Variants in RIMS1 observed in about 807,000 individuals in gnomAD.
The protein encoded by RIMS1 is regulating synaptic membrane exocytosis protein 1.
In RIMS1, 83 loss-of-function variants were observed where a neutral mutation model predicts 214.1. That is an observed-to-expected ratio of 0.39 (90% confidence interval 0.32 to 0.47). RIMS1 has a LOEUF of 0.47. RIMS1 is among the 20% of genes least tolerant of loss of function. The pLI, the probability that RIMS1 is intolerant of heterozygous loss-of-function variation, is 0.99. For synonymous variants in RIMS1, 793 were observed against 786.8 expected, an observed-to-expected ratio of 1.01 and a Z score of -0.13; for missense variants, 2,050 against 2,161.8, an observed-to-expected ratio of 0.95 and a Z score of 1.03.
chr6:72,205,612 AC>A (rs1420811300), intron 6 of RIMS1, among the ~76,000 whole-genome samples: 2 of 152,186 alleles, frequency 1.3e-5, no homozygotes, highest in African/African-American at 2.4e-5. Flanking sequence ...CTTTTCTGTA[AC>A]CCAAATAATG....
At chr6:72,236,629 C>T (rs9446605) in intron 8 of RIMS1, among the ~76,000 whole-genome samples, 2 of 152,064 alleles carry the variant, frequency 1.3e-5, no homozygotes, top group African/African-American at 4.8e-5. Context: ...CACCTGTCTT[C>T]TATGTATATG....
At chr6:71,952,972 G>A (rs968936577) in intron 1 of RIMS1, among the ~76,000 whole-genome samples, 22 of 150,698 alleles carry the variant, frequency 1.5e-4, no homozygotes, top group Non-Finnish European at 2.4e-4. Flanking sequence ...ATGCAGAAGC[G>A]CATCTTTTTT....
intron 2 of RIMS1, among the ~76,000 whole-genome samples, chr6:72,050,872 C>T (rs919463273): frequency 6.6e-6 from 1 of 152,282 alleles, no homozygotes; most frequent in South Asian, 2.1e-4. Context: ...TTCTATCTTT[C>T]CTTGCCAAAT....
At chr6:72,072,026 T>A (rs1344654151) in intron 2 of RIMS1, among the ~76,000 whole-genome samples, 1 of 152,178 alleles carries the variant, frequency 6.6e-6, no homozygotes, top group African/African-American at 2.4e-5. Context: ...ATATAAAAAA[T>A]ATACTAATTA....
At chr6:72,277,335 A>C (rs1184463233) in intron 23 of RIMS1, among the ~76,000 whole-genome samples, 1 of 152,160 alleles carries the variant, frequency 6.6e-6, no homozygotes, top group East Asian at 1.9e-4. Context: ...TAATCCCAGC[A>C]CTTTGGGAGG....
Position 72,349,041 on chromosome 6 carries a change from G to A in RIMS1, c.4366+15206G>A, listed in dbSNP as rs191468472. ...TGTGAACAAAGGATCTACTGTAACT[G>A]CTTTTCAAGTAAGCTAGTGAATTCT... On this transcript the variant is annotated intron_variant, in intron 29 of 33. Coordinates refer to ENST00000521978, the MANE Select transcript of RIMS1 (RefSeq NM_014989.7). 8.6e-5 allele frequency among the ~76,000 whole-genome samples: 13 copies of A among 151,966 alleles called. No homozygotes were observed. The East Asian group carries it at 2.5e-3, about 29-fold the overall frequency.
At chr6:71,929,843 C>T (rs1261002993) in intron 1 of RIMS1, among the ~76,000 whole-genome samples, 4 of 151,594 alleles carry the variant, frequency 2.6e-5, no homozygotes, top group African/African-American at 9.7e-5. Context: ...TAATGTGCTC[C>T]AGGACTCTGT....
chr6:71,900,501 A>G (rs1334052950), intron 1 of RIMS1, among the ~76,000 whole-genome samples: 1 of 152,136 alleles, frequency 6.6e-6, no homozygotes, highest in East Asian at 1.9e-4. Context: ...TGGGGCATGT[A>G]TGTGTAGAGA....
At chr6:72,240,499 T>C (rs1467332835) in intron 9 of RIMS1, among the ~76,000 whole-genome samples, 1 of 151,654 alleles carries the variant, frequency 6.6e-6, no homozygotes, top group Admixed American at 6.6e-5. Context: ...TGAATATATA[T>C]ACACACGCAC....
Position 72,125,697 on chromosome 6 carries a change from A to T in RIMS1, c.471+25711A>T, listed in dbSNP as rs187468083. 1.4e-3 allele frequency among the ~76,000 whole-genome samples: 210 copies of T among 152,260 alleles called. 2 individuals are homozygous for T. Among genetic ancestry groups the T allele is most frequent in the Middle Eastern group, 0.01 (3 of 294 alleles). Reference sequence around the variant, plus strand: ...ACTACTCAAGCCTCAGCAATGGTGGATGCCCCTCCCCCAGCCCAGGCTGCC... The same window carrying T: ...ACTACTCAAGCCTCAGCAATGGTGGTTGCCCCTCCCCCAGCCCAGGCTGCC... On this transcript the variant is annotated intron_variant, in intron 4 of 33. Coordinates refer to ENST00000521978, the MANE Select transcript of RIMS1 (RefSeq NM_014989.7).
intron 1 of RIMS1, among the ~76,000 whole-genome samples, chr6:71,899,539 A>G (rs1015821456): frequency 4.6e-5 from 7 of 152,102 alleles, no homozygotes; most frequent in Non-Finnish European, 8.8e-5. Flanking sequence ...CTGTGCCTCC[A>G]TACATGTAAT....
intron 9 of RIMS1, among the ~76,000 whole-genome samples, chr6:72,239,807 A>G (rs1016135585): frequency 9.2e-5 from 14 of 152,126 alleles, no homozygotes; most frequent in Admixed American, 3.3e-4. Context: ...TAACACTTTC[A>G]GCTGTCCAGG....
chr6:72,358,240 A>T (rs1007613884), intron 29 of RIMS1, among the ~76,000 whole-genome samples: 1 of 152,214 alleles, frequency 6.6e-6, no homozygotes, highest in Non-Finnish European at 1.5e-5. Context: ...ATAATTAAAG[A>T]CTATGGCCAG....
At chr6:72,062,931 G>C (rs546226151) in intron 2 of RIMS1, among the ~76,000 whole-genome samples, 1 of 152,158 alleles carries the variant, frequency 6.6e-6, no homozygotes, top group South Asian at 2.1e-4. Context: ...ATGGATTAGG[G>C]CTCTCTCTAA....
In RIMS1 at chr6:72,259,051, G is replaced by T; in HGVS notation, c.2993G>T (p.Arg998Leu). The T allele has an allele frequency of 6.2e-7, 1 of 1,612,270 alleles. No homozygotes were observed. Among genetic ancestry groups the T allele is most frequent in the Non-Finnish European group, 8.5e-7 (1 of 1,178,602 alleles). Reference protein sequence around the residue: ...RSPTRHHDASRSPVDHRTRDV... With the variant: ...RSPTRHHDASLSPVDHRTRDV... The stretch of plus-strand genomic sequence containing the variant: ...CCAACCAGACACCATGATGCCTCCC[G>T]AAGTCCAGTTGATCATAGAACCAGA... The change falls in exon 18 of 34, where the codon CGA becomes CTA. Residue 998 changes from arginine (R) to leucine (L), a missense_variant. Arg to Leu is a moderately radical substitution (Grantham distance 102, BLOSUM62 -2). Transcript: ENST00000521978.
At chr6:72,282,456 C>CAG (rs1451222961) in intron 23 of RIMS1, among the ~76,000 whole-genome samples, 2 of 152,012 alleles carry the variant, frequency 1.3e-5, no homozygotes, top group South Asian at 4.2e-4. Flanking sequence ...ACCTTAATGT[C>CAG]AGAGAGAGAG....
intron 2 of RIMS1, among the ~76,000 whole-genome samples, chr6:72,062,052 A>C (rs1326803031): frequency 5.9e-5 from 9 of 152,270 alleles, no homozygotes; most frequent in African/African-American, 2.2e-4. Context: ...ATTGGGACAG[A>C]GGAATATAGC....
intron 4 of RIMS1, among the ~76,000 whole-genome samples, chr6:72,123,760 T>A (rs1431638186): frequency 6.6e-6 from 1 of 151,878 alleles, no homozygotes; most frequent in Non-Finnish European, 1.5e-5. Context: ...CTTTGTCAGT[T>A]TAAAGTCTGT....
intron 27 of RIMS1, among the ~76,000 whole-genome samples, chr6:72,310,397 A>T (rs1306532728): frequency 6.6e-6 from 1 of 151,956 alleles, no homozygotes; most frequent in South Asian, 2.1e-4. Context: ...ATGTGTCACC[A>T]TTCTATTTTT....
Sources: gnomAD v4.1 joint callset for allele counts (sites outside exome capture counted in the v4.1 genomes callset) on GRCh38, gnomAD v4.1.1 for gene constraint, MANE v1.5 for transcripts, NCBI Gene and HGNC (gene_info 2026-07-23, HGNC 2026-07-21) for gene names.